Variants in DENND2C observed in about 807,000 individuals in gnomAD.
The protein encoded by DENND2C is DENN domain containing 2C, also known as DENN domain-containing protein 2C.
A neutral mutation model predicts 112.4 loss-of-function variants in DENND2C; 72 were observed. That is an observed-to-expected ratio of 0.64 (90% confidence interval 0.53 to 0.78). The LOEUF (loss-of-function observed/expected upper bound fraction) is 0.78, where lower values mean the gene tolerates loss of function less well. DENND2C is among the 30% of genes least tolerant of loss of function. The pLI, the probability that DENND2C is intolerant of heterozygous loss-of-function variation, is 0.00. For missense variants in DENND2C, 992 were observed against 1,113.8 expected (o/e 0.89, Z 1.56); for synonymous variants, 329 against 381.6 (o/e 0.86, Z 1.61).
intron 3 of DENND2C, among the ~76,000 whole-genome samples, chr1:114,628,252 G>A (rs1489791506): frequency 2.6e-5 from 4 of 151,476 alleles, no homozygotes; most frequent in Non-Finnish European, 5.9e-5. Context: ...CCCAGATGTT[G>A]GAAGCTGCAG....
In DENND2C at chr1:114,582,950, C is replaced by T. The variant is rs934634962; in HGVS notation, c.*2650G>A. The T allele has an allele frequency of 2.6e-5, 4 of 152,238 alleles. No individual in the cohort carries two copies. The highest frequency in any genetic ancestry group is 9.6e-5 in the African/African-American group (4 of 41,456). The allele number at this position is 152,238 out of a possible 1,614,324, so 9.4% of individuals were successfully genotyped here. On this transcript the variant is annotated 3_prime_UTR_variant, in exon 21 of 21. Coordinates refer to ENST00000393274, the MANE Select transcript of DENND2C (RefSeq NM_001256404.2). ...AATATCCAGAATTCCTAACACTTTA[C>T]AGAAAACACAACAGACCTAAGGAAA...
chr1:114,668,909 C>T (rs970142726), intron 1 of DENND2C, among the ~76,000 whole-genome samples: 1 of 152,164 alleles, frequency 6.6e-6, no homozygotes, highest in Non-Finnish European at 1.5e-5. Flanking sequence ...AACTATTTAG[C>T]TAAGACAAAG....
At position 114,615,072 on chromosome 1, in the gene DENND2C, T is replaced by C. The variant is rs1202344417; in HGVS notation, c.1324+3314A>G. Among the ~76,000 whole-genome samples, 4 of 151,572 alleles carry C rather than the reference T, an allele frequency of 2.6e-5. No individual in the cohort carries two copies. The East Asian group carries it at 7.7e-4, about 29-fold the overall frequency. On this transcript the variant is annotated intron_variant, in intron 8 of 20. Coordinates refer to ENST00000393274, the MANE Select transcript of DENND2C (RefSeq NM_001256404.2). ...ATAGACTGCTGTTAATCTGAGAAAATGTTAATGTTTTACAAGCACTTGTCC... is the reference window on the plus strand; with the variant it reads ...ATAGACTGCTGTTAATCTGAGAAAACGTTAATGTTTTACAAGCACTTGTCC...
intron 1 of DENND2C, among the ~76,000 whole-genome samples, chr1:114,655,958 A>G (rs1055647124): frequency 1.3e-5 from 2 of 150,020 alleles, no homozygotes; most frequent in Non-Finnish European, 2.9e-5. Flanking sequence ...GTTTCTGTAT[A>G]CTATTTCATT....
intron 3 of DENND2C, among the ~76,000 whole-genome samples, chr1:114,632,708 C>T (rs1323950571): frequency 6.6e-6 from 1 of 152,114 alleles, no homozygotes; most frequent in African/African-American, 2.4e-5. Context: ...TTCTTTTCTT[C>T]TGCAGCCTTG....
chr1:114,597,939 G>A (rs753647076), intron 16 of DENND2C, among the ~76,000 whole-genome samples: 2 of 152,078 alleles, frequency 1.3e-5, no homozygotes, highest in African/African-American at 4.8e-5. Flanking sequence ...ATAACACTAC[G>A]CACCCACCAG....
At chr1:114,644,269 A>G (rs531602707) in intron 3 of DENND2C, among the ~76,000 whole-genome samples, 11 of 152,164 alleles carry the variant, frequency 7.2e-5, no homozygotes, top group Non-Finnish European at 1.3e-4. Flanking sequence ...TCACTCTGCT[A>G]TATTTTCTCC....
chr1:114,652,341 C>T (rs1657188539), intron 2 of DENND2C, among the ~76,000 whole-genome samples: 1 of 152,130 alleles, frequency 6.6e-6, no homozygotes, highest in South Asian at 2.1e-4. Flanking sequence ...CAAGCCCTCC[C>T]CTCACACATG....
intron 1 of DENND2C, among the ~76,000 whole-genome samples, chr1:114,654,993 T>C (rs1323441501): frequency 1.3e-5 from 2 of 152,188 alleles, no homozygotes; most frequent in Non-Finnish European, 2.9e-5. Flanking sequence ...TGCTATGGCT[T>C]ATTGACCAGG....
intron 1 of DENND2C, among the ~76,000 whole-genome samples, chr1:114,664,460 A>C (rs1322871836): frequency 6.6e-6 from 1 of 151,880 alleles, no homozygotes; most frequent in African/African-American, 2.4e-5. Flanking sequence ...AAAAGAAAAA[A>C]ATTTATGTAT....
At position 114,625,817 on chromosome 1, in the gene DENND2C, G is replaced by C; in HGVS notation, c.168C>G (p.Ile56Met). Residue 56 changes from isoleucine (I) to methionine (M), a missense_variant, in exon 4 of 21, where the codon ATC (isoleucine) becomes ATG (methionine). Physicochemically the swap from Ile to Met is conservative, Grantham distance 10. This residue lies in a region of DENND2C where 470 missense variants were observed against 472.7 expected (regional missense o/e 0.99). Coordinates refer to ENST00000393274, the MANE Select transcript of DENND2C (RefSeq NM_001256404.2). ...FGVRYNCHQE[I>M]RLKKNPIAER... Reference sequence around the variant, plus strand: ...CAGCTATAGGATTTTTCTTAAGACGGATCTCTTGGTGACAGTTATATCTCA... The same window carrying C: ...CAGCTATAGGATTTTTCTTAAGACGCATCTCTTGGTGACAGTTATATCTCA... 1.2e-6 allele frequency: 2 copies of C among 1,614,054 alleles called. No individual in the cohort carries two copies. The highest frequency in any genetic ancestry group is 1.7e-6 in the Non-Finnish European group (2 of 1,179,994).
At chr1:114,599,241 G>A (rs1205786457) in intron 16 of DENND2C, 33 bp downstream of exon 16, 3 of 1,520,358 alleles carry the variant, frequency 2.0e-6, no homozygotes, top group Admixed American at 1.7e-5. Flanking sequence ...ACTTCTCAAT[G>A]CTCCAATATT....
Position 114,585,637 on chromosome 1 carries a change from G to A in DENND2C, c.2756-6C>T. Reference sequence around the variant, plus strand: ...CAGAAATTTCATTTTGCTTCCTAAAGGGAAAGAAAAGTACAGTGAATGCTC... The same window carrying A: ...CAGAAATTTCATTTTGCTTCCTAAAAGGAAAGAAAAGTACAGTGAATGCTC... On this transcript the variant is annotated splice_region_variant and splice_polypyrimidine_tract_variant and intron_variant, in intron 20 of 20. Transcript: ENST00000393274. The A allele has an allele frequency of 1.2e-6, 2 of 1,613,284 alleles. No homozygotes were observed. Among genetic ancestry groups the A allele is most frequent in the South Asian group, 1.1e-5 (1 of 91,042 alleles).
chr1:114,651,801 G>A (rs532287423), intron 2 of DENND2C, among the ~76,000 whole-genome samples: 1 of 152,300 alleles, frequency 6.6e-6, no homozygotes, highest in South Asian at 2.1e-4. Context: ...GCCCTAATTA[G>A]GCAAAGCAGA....
At chr1:114,652,715 A>T (rs946203886) in intron 2 of DENND2C, among the ~76,000 whole-genome samples, 3 of 139,368 alleles carry the variant, frequency 2.2e-5, no homozygotes, top group African/African-American at 2.7e-5. Flanking sequence ...TCATTGCCCA[A>T]CCTGAAGTGT....
In DENND2C at chr1:114,582,991, C is replaced by T. The variant is rs1197382175; in HGVS notation, c.*2609G>A. ...CCTAAGGAAATGAAGCAGCTTCAGG[C>T]TGCGAGGATGAAGACACCATTGCTG... On this transcript the variant is annotated 3_prime_UTR_variant, in exon 21 of 21. Coordinates refer to ENST00000393274, the MANE Select transcript of DENND2C (RefSeq NM_001256404.2). The T allele has an allele frequency of 1.3e-5, 2 of 152,236 alleles. No individual in the cohort carries two copies. The highest frequency in any genetic ancestry group is 3.8e-4 in the East Asian group (2 of 5,208). 9.4% of individuals were successfully genotyped at this position (152,236 alleles called of 1,614,324 possible).
intron 1 of DENND2C, among the ~76,000 whole-genome samples, chr1:114,659,097 G>A (rs1330202022): frequency 1.3e-5 from 2 of 152,074 alleles, no homozygotes; most frequent in Admixed American, 1.3e-4. Flanking sequence ...AATGTTTCAG[G>A]TTTCTCTTCA....
chr1:114,634,097 G>A (rs2101675049), intron 3 of DENND2C, among the ~76,000 whole-genome samples: 1 of 152,302 alleles, frequency 6.6e-6, no homozygotes, highest in South Asian at 2.1e-4. Flanking sequence ...TAATGTTCAT[G>A]CACCTAATAA....
In DENND2C at chr1:114,600,363, A is replaced by G; in HGVS notation, c.1957-11T>C. On this transcript the variant is annotated splice_polypyrimidine_tract_variant and intron_variant, in intron 14 of 20. Coordinates refer to ENST00000393274, the MANE Select transcript of DENND2C (RefSeq NM_001256404.2). ...GCAGAGTTCAATGGACTGAAATGCA[A>G]GAAGTTGAATCAGGTGAGCTAATGT... The G allele has an allele frequency of 1.2e-6, 2 of 1,613,918 alleles. No individual in the cohort carries two copies. The highest frequency in any genetic ancestry group is 1.7e-6 in the Non-Finnish European group (2 of 1,179,856).
Sources: allele counts gnomAD v4.1 joint callset (sites outside exome capture counted in the v4.1 genomes callset), GRCh38; gene constraint gnomAD v4.1.1; regional missense constraint gnomAD v4.1.1; transcripts MANE v1.5; gene names NCBI Gene and HGNC (gene_info 2026-07-23, HGNC 2026-07-21).